The following PPFIBP1 variants were observed in gnomAD, a reference collection of about 807,000 sequenced individuals.
PPFIBP1 encodes the protein PPFIB scaffold protein 1.
In PPFIBP1, 112 loss-of-function variants were observed where a neutral mutation model predicts 137.8. The observed-to-expected ratio is 0.81, with a 90% CI of 0.70 to 0.95. The LOEUF (loss-of-function observed/expected upper bound fraction) is 0.95, where lower values mean the gene tolerates loss of function less well. Among genes scored for constraint, PPFIBP1 ranks in the 40% least tolerant of loss-of-function variants. The pLI is 0.00. For synonymous variants in PPFIBP1, 378 were observed against 417.3 expected (o/e 0.91, Z 1.15); for missense variants, 1,083 against 1,196.6 (o/e 0.91, Z 1.40).
chr12:27,648,231 A>G (rs2058660246), intron 6 of PPFIBP1, among the ~76,000 whole-genome samples: 1 of 152,206 alleles, frequency 6.6e-6, no homozygotes, highest in South Asian at 2.1e-4. Context: ...CAAATGGCAA[A>G]CAGACATATG....
chr12:27,615,500 A>G (rs1361419945), intron 2 of PPFIBP1, among the ~76,000 whole-genome samples: 1 of 152,244 alleles, frequency 6.6e-6, no homozygotes, highest in Non-Finnish European at 1.5e-5. Context: ...ATTTACTAGC[A>G]CAAAGCAATC....
At chr12:27,642,563 C>T (rs1006332196) in intron 4 of PPFIBP1, among the ~76,000 whole-genome samples, 2 of 152,074 alleles carry the variant, frequency 1.3e-5, no homozygotes, top group Admixed American at 6.5e-5. Flanking sequence ...CTACCTGAGG[C>T]AGAATATGAT....
chr12:27,666,873 G>GA (rs2059890239), intron 12 of PPFIBP1, among the ~76,000 whole-genome samples: 1 of 152,128 alleles, frequency 6.6e-6, no homozygotes, highest in Non-Finnish European at 1.5e-5. Flanking sequence ...AGAGTTGTTG[G>GA]AAAAAGTTAA....
chr12:27,603,292 T>G (rs1013892737), intron 2 of PPFIBP1, among the ~76,000 whole-genome samples: 3 of 152,214 alleles, frequency 2.0e-5, no homozygotes, highest in African/African-American at 7.2e-5. Context: ...GATGATAATG[T>G]TGTCTTTGCA....
chr12:27,679,889 G>A (rs199934950), intron 20 of PPFIBP1, 44 bp from the exon 21 acceptor site: 42 of 1,607,776 alleles, frequency 2.6e-5, no homozygotes, highest in Non-Finnish European at 3.5e-5. Flanking sequence ...CAAGTCTAAG[G>A]CCTCCTCAGG....
intron 1 of PPFIBP1, among the ~76,000 whole-genome samples, chr12:27,537,259 G>A (rs776332875): frequency 6.6e-6 from 1 of 152,100 alleles, no homozygotes; most frequent in Non-Finnish European, 1.5e-5. Flanking sequence ...AGCCTCCTGA[G>A]TAGCTGGGAT....
At chr12:27,688,091 A>C (rs1381649459) in intron 25 of PPFIBP1, 4 of 572,582 alleles carry the variant, frequency 7.0e-6, no homozygotes, top group Non-Finnish European at 1.2e-5. Flanking sequence ...TGTCTTAAAA[A>C]AAAAAAAGAC....
chr12:27,635,809 A>T (rs575711475), intron 4 of PPFIBP1: 2 of 152,282 alleles, frequency 1.3e-5, no homozygotes, highest in African/African-American at 4.8e-5. Context: ...CAAAAATTGA[A>T]GATGTGGCAG....
intron 1 of PPFIBP1, among the ~76,000 whole-genome samples, chr12:27,524,637 C>T (rs913112092): frequency 6.6e-6 from 1 of 152,026 alleles, no homozygotes; most frequent in Non-Finnish European, 1.5e-5. Flanking sequence ...ACACCCTAGG[C>T]TCCCGGTAAT....
At chr12:27,616,258 T>C (rs912504953) in intron 2 of PPFIBP1, among the ~76,000 whole-genome samples, 2 of 152,038 alleles carry the variant, frequency 1.3e-5, no homozygotes, top group African/African-American at 4.8e-5. Context: ...AGAACTCAGT[T>C]TTATCAGTAT....
intron 12 of PPFIBP1, among the ~76,000 whole-genome samples, chr12:27,665,187 CA>C (rs1041170840): frequency 1.3e-4 from 19 of 150,710 alleles, no homozygotes; most frequent in Admixed American, 6.6e-5. Flanking sequence ...GACTCAGTCT[CA>C]AAAAAAAAGT....
intron 1 of PPFIBP1, among the ~76,000 whole-genome samples, chr12:27,549,633 G>A (rs1317250168): frequency 1.3e-5 from 2 of 151,918 alleles, no homozygotes; most frequent in East Asian, 3.9e-4. Context: ...GATCTGCAGG[G>A]TGTTGCCTGG....
At chr12:27,629,619 T>C (rs2057120566) in intron 2 of PPFIBP1, among the ~76,000 whole-genome samples, 1 of 152,246 alleles carries the variant, frequency 6.6e-6, no homozygotes, top group African/African-American at 2.4e-5. Flanking sequence ...ATATTAATTA[T>C]GTGAGGAAGC....
Position 27,694,081 on chromosome 12 carries a change from C to G in PPFIBP1, c.*1199C>G, listed in dbSNP as rs549567079. 1 of 152,242 alleles carries G rather than the reference C, an allele frequency of 6.6e-6. No homozygotes were observed. The highest frequency in any genetic ancestry group is 1.9e-4 in the East Asian group (1 of 5,176). The allele number at this position is 152,242 out of a possible 1,614,324, so 9.4% of individuals were successfully genotyped here. ...CATAGCTCACTGCAGCCTTGAATTC[C>G]TAGGCTCCAGTGATCCTCTCACCTC... On this transcript the variant is annotated 3_prime_UTR_variant, in exon 30 of 30. Transcript: ENST00000228425.
chr12:27,683,038 T>C (rs963310832), intron 24 of PPFIBP1, among the ~76,000 whole-genome samples: 1 of 152,204 alleles, frequency 6.6e-6, no homozygotes, highest in South Asian at 2.1e-4. Context: ...TTTTATGGTA[T>C]GCAAATTATA....
At chr12:27,592,528 C>T in intron 2 of PPFIBP1, 1 of 1,240,174 alleles carries the variant, frequency 8.1e-7, no homozygotes. Context: ...GAATCGTTTC[C>T]TTGGTGCTGG....
At chr12:27,610,899 TA>T (rs1226111046) in intron 2 of PPFIBP1, among the ~76,000 whole-genome samples, 3 of 151,930 alleles carry the variant, frequency 2.0e-5, no homozygotes, top group Non-Finnish European at 4.4e-5. Context: ...TTTTTTTTTG[TA>T]TCTATGGAAG....
chr12:27,558,267 G>GTTTTA (rs906987812), intron 1 of PPFIBP1, among the ~76,000 whole-genome samples: 13 of 135,408 alleles, frequency 9.6e-5, no homozygotes, highest in African/African-American at 3.0e-4. Context: ...TTTTTTTTTT[G>GTTTTA]TTTTGTTTTG....
intron 6 of PPFIBP1, among the ~76,000 whole-genome samples, chr12:27,649,244 T>C (rs975346280): frequency 2.0e-5 from 3 of 152,264 alleles, no homozygotes; most frequent in Non-Finnish European, 4.4e-5. Flanking sequence ...TTTTATTTTT[T>C]CTTTTTCCCT....
Sources: allele counts gnomAD v4.1 joint callset (sites outside exome capture counted in the v4.1 genomes callset), GRCh38; gene constraint gnomAD v4.1.1; transcripts MANE v1.5; gene names NCBI Gene and HGNC (gene_info 2026-07-23, HGNC 2026-07-21).